Variants in FYN observed in about 807,000 individuals in gnomAD.
FYN encodes the protein FYN proto-oncogene, Src family tyrosine kinase, also known as tyrosine-protein kinase Fyn.
Under a neutral mutation model 70.2 loss-of-function variants are expected in FYN, and 10 were observed. The ratio of observed to expected loss-of-function variants is 0.14; its 90% CI spans 0.09 to 0.24. The LOEUF (loss-of-function observed/expected upper bound fraction) is 0.24, where lower values mean the gene tolerates loss of function less well. Ranked by LOEUF, FYN falls within the 10% of genes least tolerant of loss-of-function variation. FYN has a pLI of 1.00. For synonymous variants in FYN, 236 were observed against 248.6 expected (o/e 0.95, Z 0.48); for missense variants, 319 against 673.1 (o/e 0.47, Z 5.82).
intron 1 of FYN, among the ~76,000 whole-genome samples, chr6:111,861,114 C>T (rs1438034103): frequency 2.6e-5 from 4 of 152,204 alleles, no homozygotes; most frequent in Admixed American, 1.3e-4. Flanking sequence ...TTACTTAAGA[C>T]GCATCTCATT....
At chr6:111,852,131 T>C (rs1773702339) in intron 1 of FYN, among the ~76,000 whole-genome samples, 1 of 152,202 alleles carries the variant, frequency 6.6e-6, no homozygotes, top group African/African-American at 2.4e-5. Flanking sequence ...TGGGGATTTA[T>C]TTAAGAGCAC....
chr6:111,751,817 C>T (rs1413235870), intron 3 of FYN, among the ~76,000 whole-genome samples: 1 of 152,050 alleles, frequency 6.6e-6, no homozygotes, highest in Admixed American at 6.6e-5. Flanking sequence ...CAAGGTCTCA[C>T]TATGTTGCCC....
At chr6:111,778,678 T>A (rs1771047563) in intron 3 of FYN, among the ~76,000 whole-genome samples, 1 of 151,804 alleles carries the variant, frequency 6.6e-6, no homozygotes, top group Non-Finnish European at 1.5e-5. Flanking sequence ...CTATTTTTAG[T>A]AGAGATGGGG....
At chr6:111,756,856 C>T (rs572914865) in intron 3 of FYN, among the ~76,000 whole-genome samples, 3 of 152,102 alleles carry the variant, frequency 2.0e-5, no homozygotes, top group Non-Finnish European at 4.4e-5. Context: ...CAAAACCCAG[C>T]AGTAAGCACC....
intron 3 of FYN, among the ~76,000 whole-genome samples, chr6:111,729,492 G>GTA (rs1801349200): frequency 1.4e-5 from 2 of 147,000 alleles, no homozygotes; most frequent in African/African-American, 5.3e-5. Context: ...AAAAAAGGGG[G>GTA]TCGGGGGTGG....
At chr6:111,670,107 T>G (rs867582879) in intron 13 of FYN, among the ~76,000 whole-genome samples, 13 of 152,282 alleles carry the variant, frequency 8.5e-5, no homozygotes, top group South Asian at 6.2e-4. Flanking sequence ...AGAGAAATCA[T>G]GTCACTCTCC....
intron 13 of FYN, among the ~76,000 whole-genome samples, chr6:111,672,230 C>T (rs1389135039): frequency 2.6e-5 from 4 of 152,214 alleles, no homozygotes; most frequent in South Asian, 2.1e-4. Flanking sequence ...ATGCTCTTCC[C>T]GCCTTCTGGG....
chr6:111,688,133 T>C (rs1199461912), intron 12 of FYN, among the ~76,000 whole-genome samples: 3 of 152,214 alleles, frequency 2.0e-5, no homozygotes, highest in African/African-American at 4.8e-5. Flanking sequence ...CTTCTACTAA[T>C]TGTCTTCTTG....
chr6:111,853,695 T>C (rs1248634315), intron 1 of FYN, among the ~76,000 whole-genome samples: 1 of 152,236 alleles, frequency 6.6e-6, no homozygotes, highest in Non-Finnish European at 1.5e-5. Context: ...CATAGTTCAC[T>C]GCAGCTTTGA....
chr6:111,774,214 C>T (rs957191290), intron 3 of FYN, among the ~76,000 whole-genome samples: 1 of 152,198 alleles, frequency 6.6e-6, no homozygotes, highest in African/African-American at 2.4e-5. Flanking sequence ...GTTCTGATGC[C>T]TGGGGCAGCA....
chr6:111,699,674 C>T (rs1363946994), intron 9 of FYN: 12 of 1,610,992 alleles, frequency 7.4e-6, no homozygotes, highest in Non-Finnish European at 7.6e-6. Context: ...GCTTTCTCTA[C>T]AGGAAAGGGA....
At chr6:111,679,129 C>T (rs1431605406) in intron 12 of FYN, among the ~76,000 whole-genome samples, 1 of 152,206 alleles carries the variant, frequency 6.6e-6, no homozygotes, top group Non-Finnish European at 1.5e-5. Flanking sequence ...TCTTTGACTG[C>T]TTTGCAAATG....
Position 111,728,771 on chromosome 6 carries a change from G to A in FYN, c.-11-8709C>T, listed in dbSNP as rs183701779. Among the ~76,000 whole-genome samples, 12 of 152,124 alleles carry A rather than the reference G, an allele frequency of 7.9e-5. No individual in the cohort carries two copies. The East Asian group carries it at 1.9e-3, about 24-fold the overall frequency. On this transcript the variant is annotated intron_variant, in intron 3 of 13. Transcript: ENST00000354650. ...AACTGATGGACATTTGGGTTTTTAC[G>A]TTTTGGCTCTTATGAATAATACTGC...
chr6:111,673,619 A>ATCGTTTTTTTTTTTTTTT (rs1554272175), intron 13 of FYN, among the ~76,000 whole-genome samples: 3 of 65,010 alleles, frequency 4.6e-5, no homozygotes, highest in Non-Finnish European at 6.5e-5. Flanking sequence ...CGTTTCTATC[A>ATCGTTTTTTTTTTTTTTT]TTGTTTTTTT....
intron 13 of FYN, among the ~76,000 whole-genome samples, chr6:111,674,142 T>A (rs138541973): frequency 6.6e-6 from 1 of 152,176 alleles, no homozygotes; most frequent in African/African-American, 2.4e-5. Context: ...TTCCCAGACA[T>A]GTCTGCAAAC....
At position 111,674,533 on chromosome 6, in the gene FYN, TGTGA is replaced by T; in HGVS notation, c.1367_1370del (p.Leu456GlnfsTer14). ...GCACTCTTCCTTTGGTGACCAGCTC[TGTGA>T]GTAAGATTCCAAAAGACCACACGTC... On this transcript the variant is annotated frameshift_variant, in exon 13 of 14. Transcript: ENST00000354650. LOFTEE classifies it high-confidence loss of function. 1 of 1,614,006 alleles carries T rather than the reference TGTGA, an allele frequency of 6.2e-7. No homozygotes were observed. The highest frequency in any genetic ancestry group is 8.5e-7 in the Non-Finnish European group (1 of 1,179,904).
At chr6:111,760,571 T>G (rs912903635) in intron 3 of FYN, among the ~76,000 whole-genome samples, 3 of 152,170 alleles carry the variant, frequency 2.0e-5, no homozygotes, top group African/African-American at 7.2e-5. Context: ...ACGGAACTCC[T>G]TCTCAGGAGA....
At chr6:111,738,198 T>C (rs1303639215) in intron 3 of FYN, among the ~76,000 whole-genome samples, 1 of 152,188 alleles carries the variant, frequency 6.6e-6, no homozygotes, top group Non-Finnish European at 1.5e-5. Context: ...CTAGTGAAGA[T>C]GAAGATGTAC....
At chr6:111,742,627 CT>C (rs1270664061) in intron 3 of FYN, among the ~76,000 whole-genome samples, 1 of 152,182 alleles carries the variant, frequency 6.6e-6, no homozygotes, top group Admixed American at 6.5e-5. Context: ...TGCACATGTT[CT>C]GTGCAAAAAG....
Sources: gnomAD v4.1 joint callset for allele counts (sites outside exome capture counted in the v4.1 genomes callset) on GRCh38, gnomAD v4.1.1 for gene constraint, MANE v1.5 for transcripts, NCBI Gene and HGNC (gene_info 2026-07-23, HGNC 2026-07-21) for gene names.